Variants in PTPRT observed in about 807,000 individuals in gnomAD.
PTPRT encodes the protein protein tyrosine phosphatase receptor type T, also known as receptor-type tyrosine-protein phosphatase T.
PTPRT carries 56 observed loss-of-function variants against 176.8 expected under a neutral mutation model. That is an observed-to-expected ratio of 0.32 (90% CI 0.26 to 0.40). The LOEUF (loss-of-function observed/expected upper bound fraction) is 0.40, where lower values mean the gene tolerates loss of function less well. Among genes scored for constraint, PTPRT ranks in the 10% least tolerant of loss-of-function variants. PTPRT has a pLI of 1.00. For missense variants in PTPRT, 1,540 were observed against 1,908.2 expected (o/e 0.81, Z 3.60); for synonymous variants, 783 against 739.0 (o/e 1.06, Z -0.96).
intron 9 of PTPRT, among the ~76,000 whole-genome samples, chr20:42,384,498 G>A (rs940134465): frequency 1.3e-5 from 2 of 152,210 alleles, no homozygotes; most frequent in East Asian, 1.9e-4. Flanking sequence ...TTTCTTTATC[G>A]ATTCATTCAC....
intron 1 of PTPRT, among the ~76,000 whole-genome samples, chr20:42,941,902 C>T (rs1047803615): frequency 2.6e-5 from 4 of 152,042 alleles, no homozygotes; most frequent in Non-Finnish European, 5.9e-5. Flanking sequence ...AAAAGCATTG[C>T]TTTCAGTGGC....
chr20:42,463,522 A>G (rs991701228), intron 8 of PTPRT, among the ~76,000 whole-genome samples: 1 of 152,134 alleles, frequency 6.6e-6, no homozygotes, highest in African/African-American at 2.4e-5. Flanking sequence ...TCAGGTGGTA[A>G]TTTAAGGAAG....
chr20:42,552,126 C>CA (rs893959279), intron 7 of PTPRT, among the ~76,000 whole-genome samples: 2 of 152,102 alleles, frequency 1.3e-5, no homozygotes, highest in Non-Finnish European at 2.9e-5. Context: ...ATAAAAGCCT[C>CA]AAGGTTTGTT....
chr20:43,181,960 C>T (rs76284170), intron 1 of PTPRT, among the ~76,000 whole-genome samples: 6,491 of 152,146 alleles, frequency 0.043, 193 homozygotes, highest in Non-Finnish European at 0.066. Flanking sequence ...AAGGGGGACA[C>T]GCACAAAAGC....
At position 42,165,832 on chromosome 20, in the gene PTPRT, A is replaced by G. The variant is rs1178292138; in HGVS notation, c.2492-4290T>C. On this transcript the variant is annotated intron_variant, in intron 16 of 30. Coordinates refer to ENST00000373187, the MANE Select transcript of PTPRT (RefSeq NM_007050.6). ...GTCACACAGTGGGGCAAAGAGGTCT[A>G]GAATAGCACTGGCCAGTGGAAATAT... 5.9e-5 allele frequency among the ~76,000 whole-genome samples: 9 copies of G among 152,240 alleles called. 1 individual carries two copies. The highest frequency in any genetic ancestry group is 2.6e-4 in the Admixed American group (4 of 15,288).
At chr20:43,029,219 ACTGT>A (rs1986038666) in intron 1 of PTPRT, among the ~76,000 whole-genome samples, 1 of 152,244 alleles carries the variant, frequency 6.6e-6, no homozygotes, top group South Asian at 2.1e-4. Context: ...CAGTAGTCAC[ACTGT>A]CTGGCCCTGA....
chr20:43,155,564 A>ATACATCAT (rs2014492463), intron 1 of PTPRT, among the ~76,000 whole-genome samples: 2 of 152,330 alleles, frequency 1.3e-5, no homozygotes. Flanking sequence ...TGGCCAAAAG[A>ATACATCAT]TACATCATTA....
Position 42,931,674 on chromosome 20 carries a change from T to C in PTPRT, c.89-45742A>G, listed in dbSNP as rs558350485. On this transcript the variant is annotated intron_variant, in intron 1 of 30. Transcript: ENST00000373187. ...GAGCGGGTGAGCATACCATCACTAA[T>C]ACATGCCGCTGCAAGATCTTCCGCA... Among the ~76,000 whole-genome samples, 21 of 152,328 alleles carry C rather than the reference T, an allele frequency of 1.4e-4. No homozygotes were observed. The South Asian group carries it at 3.9e-3, about 29-fold the overall frequency.
At chr20:43,016,162 G>A (rs945960149) in intron 1 of PTPRT, among the ~76,000 whole-genome samples, 1 of 150,890 alleles carries the variant, frequency 6.6e-6, no homozygotes, top group South Asian at 2.1e-4. Flanking sequence ...TTTGGGGACA[G>A]GGGGTATGGA....
chr20:42,379,540 A>G (rs1029569086), intron 9 of PTPRT, among the ~76,000 whole-genome samples: 1 of 152,156 alleles, frequency 6.6e-6, no homozygotes. Flanking sequence ...TCCTAGAGGC[A>G]CCTGAGCCTG....
intron 2 of PTPRT, among the ~76,000 whole-genome samples, chr20:42,805,018 A>G (rs1201986512): frequency 6.6e-6 from 1 of 152,180 alleles, no homozygotes; most frequent in Non-Finnish European, 1.5e-5. Context: ...ACTCCTAATA[A>G]GCTTTCTAGA....
At chr20:42,643,370 G>A (rs1204856856) in intron 7 of PTPRT, among the ~76,000 whole-genome samples, 1 of 151,916 alleles carries the variant, frequency 6.6e-6, no homozygotes, top group Non-Finnish European at 1.5e-5. Context: ...ACCTAGGCTG[G>A]AGTGCAGTGG....
chr20:42,296,721 C>G (rs1225905722), intron 12 of PTPRT, among the ~76,000 whole-genome samples: 2 of 152,120 alleles, frequency 1.3e-5, no homozygotes, highest in Non-Finnish European at 2.9e-5. Flanking sequence ...CAACTACCTT[C>G]TATGTATAAA....
chr20:42,792,820 T>C (rs1452853647), intron 2 of PTPRT, among the ~76,000 whole-genome samples: 2 of 152,186 alleles, frequency 1.3e-5, no homozygotes, highest in South Asian at 2.1e-4. Flanking sequence ...CTTGGGATTC[T>C]AGAAGGTACC....
intron 9 of PTPRT, among the ~76,000 whole-genome samples, chr20:42,436,198 T>C (rs1241133071): frequency 6.6e-6 from 1 of 152,200 alleles, no homozygotes; most frequent in Non-Finnish European, 1.5e-5. Context: ...GGGAAGAATT[T>C]CTTAAGGACA....
intron 1 of PTPRT, among the ~76,000 whole-genome samples, chr20:42,999,598 A>T (rs1419572718): frequency 6.9e-6 from 1 of 145,188 alleles, no homozygotes; most frequent in Non-Finnish European, 1.5e-5. Context: ...TCTAAAAAAA[A>T]AACTTGTGGT....
chr20:42,458,777 G>A lies in PTPRT; in HGVS notation c.1451-10448C>T, dbSNP rs184643922. Among the ~76,000 whole-genome samples, 643 of 152,226 alleles carry A rather than the reference G, an allele frequency of 4.2e-3. 1 individual carries two copies. Among genetic ancestry groups the A allele is most frequent in the Non-Finnish European group, 5.9e-3 (398 of 68,014 alleles). On this transcript the variant is annotated intron_variant, in intron 8 of 30. Coordinates refer to ENST00000373187, the MANE Select transcript of PTPRT (RefSeq NM_007050.6). ...TCTTCTTCTGATTTCTATGGTAAATGATCTTAAATCTAATTTTTCTCTGAG... is the reference window on the plus strand; with the variant it reads ...TCTTCTTCTGATTTCTATGGTAAATAATCTTAAATCTAATTTTTCTCTGAG...
intron 2 of PTPRT, among the ~76,000 whole-genome samples, chr20:42,833,268 A>G (rs1193924973): frequency 4.1e-5 from 6 of 147,612 alleles, no homozygotes; most frequent in African/African-American, 1.5e-4. Flanking sequence ...CACTGAAATT[A>G]AAAGAAAAAA....
At chr20:42,118,027 G>A (rs946599371) in intron 21 of PTPRT, among the ~76,000 whole-genome samples, 2 of 152,088 alleles carry the variant, frequency 1.3e-5, no homozygotes, top group African/African-American at 4.8e-5. Context: ...GTTGACATTC[G>A]ACCATTTGGG....
Sources: gnomAD v4.1 joint callset for allele counts (sites outside exome capture counted in the v4.1 genomes callset) on GRCh38, gnomAD v4.1.1 for gene constraint, MANE v1.5 for transcripts, NCBI Gene and HGNC (gene_info 2026-07-23, HGNC 2026-07-21) for gene names.